Variants in CLIC4 observed in about 807,000 individuals in gnomAD.
The protein encoded by CLIC4 is chloride intracellular channel protein 4.
A neutral mutation model predicts 24.6 loss-of-function variants in CLIC4; 13 were observed. The observed-to-expected ratio is 0.53, with a 90% confidence interval of 0.34 to 0.84. The LOEUF is 0.84. CLIC4 is among the 40% of genes least tolerant of loss of function. The pLI, the probability that CLIC4 is intolerant of heterozygous loss-of-function variation, is 0.01. For missense variants in CLIC4, 227 were observed against 301.7 expected (o/e 0.75, Z 1.83); for synonymous variants, 104 against 111.3 (o/e 0.93, Z 0.41).
At position 24,814,137 on chromosome 1, in the gene CLIC4, C is replaced by G; in HGVS notation, c.226C>G (p.Pro76Ala). ...LQNLAPGTHPPFITFNSEVKT... is the reference protein window; with the variant it reads ...LQNLAPGTHPAFITFNSEVKT... ...GAACTTGGCTCCCGGGACCCACCCA[C>G]CATTTATAACTTTCAACAGTGAAGT... The change falls in exon 3 of 6, where the codon CCA (proline) becomes GCA (alanine). Residue 76 changes from proline (P) to alanine (A), a missense_variant. Pro to Ala is a conservative substitution (Grantham distance 27). Coordinates refer to ENST00000374379, the MANE Select transcript of CLIC4 (RefSeq NM_013943.3). 6.2e-7 allele frequency: 1 copy of G among 1,614,030 alleles called. No individual in the cohort carries two copies. Among genetic ancestry groups the G allele is most frequent in the Non-Finnish European group, 8.5e-7 (1 of 1,180,008 alleles).
intron 2 of CLIC4, 85 bp from the exon 3 acceptor site, chr1:24,814,009 G>C: frequency 6.5e-7 from 1 of 1,547,524 alleles, no homozygotes; most frequent in Non-Finnish European, 8.9e-7. Context: ...AAGCCACCGT[G>C]CCTGGCCAAC....
chr1:24,774,931 T>C (rs1639115343), intron 1 of CLIC4, among the ~76,000 whole-genome samples: 1 of 151,908 alleles, frequency 6.6e-6, no homozygotes, highest in South Asian at 2.1e-4. Flanking sequence ...ATTAGCTGGA[T>C]GTGGTGGCGC....
At chr1:24,770,945 C>T (rs1571235653) in intron 1 of CLIC4, among the ~76,000 whole-genome samples, 1 of 152,092 alleles carries the variant, frequency 6.6e-6, no homozygotes, top group Non-Finnish European at 1.5e-5. Context: ...TGTAATAGAA[C>T]GGAATGATGG....
intron 1 of CLIC4, among the ~76,000 whole-genome samples, chr1:24,772,947 G>T (rs6604979): frequency 0.66 from 101,056 of 151,974 alleles, 33,963 homozygotes; most frequent in Admixed American, 0.72. Context: ...CATTGTTTAT[G>T]GTCATCTTCA....
At chr1:24,818,297 T>G (rs989007255) in intron 3 of CLIC4, among the ~76,000 whole-genome samples, 5 of 151,420 alleles carry the variant, frequency 3.3e-5, no homozygotes, top group African/African-American at 1.2e-4. Context: ...GTTTGTTTTG[T>G]TTTTTTTGAG....
At chr1:24,752,035 G>A (rs1638783651) in intron 1 of CLIC4, among the ~76,000 whole-genome samples, 1 of 152,164 alleles carries the variant, frequency 6.6e-6, no homozygotes. Context: ...ATCTGGTGCA[G>A]GGTGGCATAA....
intron 1 of CLIC4, among the ~76,000 whole-genome samples, chr1:24,778,779 G>A (rs1279698190): frequency 6.6e-6 from 1 of 152,178 alleles, no homozygotes. Flanking sequence ...GGTCTATTGT[G>A]CCTAGATGGA....
chr1:24,762,162 A>C (rs1261207957), intron 1 of CLIC4, among the ~76,000 whole-genome samples: 1 of 152,216 alleles, frequency 6.6e-6, no homozygotes, highest in African/African-American at 2.4e-5. Context: ...TCACACCTAT[A>C]ATCCCAGCAC....
chr1:24,816,808 T>C (rs1639675992), intron 3 of CLIC4, among the ~76,000 whole-genome samples: 1 of 152,102 alleles, frequency 6.6e-6, no homozygotes, highest in East Asian at 1.9e-4. Context: ...GAAAGGAATC[T>C]TTTTTTCCTG....
chr1:24,798,119 A>G lies in CLIC4; in HGVS notation c.182+268A>G, dbSNP rs932862369. 5.3e-5 allele frequency among the ~76,000 whole-genome samples: 8 copies of G among 152,190 alleles called. No homozygotes were observed. The East Asian group carries it at 9.6e-4, about 18-fold the overall frequency. ...AGGAGCTAAGTGTTAGTGTGGATGC[A>G]GTGAAATCCTTGACTTCTTTTTTCC... On this transcript the variant is annotated intron_variant, in intron 2 of 5. Transcript: ENST00000374379.
chr1:24,835,637 G>A (rs1395214666), intron 4 of CLIC4, among the ~76,000 whole-genome samples: 1 of 152,148 alleles, frequency 6.6e-6, no homozygotes, highest in Admixed American at 6.5e-5. Context: ...AGGACAGAAA[G>A]GAGGTTAATG....
intron 1 of CLIC4, among the ~76,000 whole-genome samples, chr1:24,777,486 G>T (rs995698271): frequency 4.6e-5 from 7 of 152,170 alleles, no homozygotes; most frequent in African/African-American, 1.4e-4. Context: ...GGAGGTTGCA[G>T]TGAGCCGAGA....
rs1353623650 is a variant in CLIC4, at chr1:24,809,504, T to A, written c.183-4590T>A. On this transcript the variant is annotated intron_variant, in intron 2 of 5. Transcript: ENST00000374379. ...ACTATTTTTGGAGACAGAGTCTCAC[T>A]CTGTCGCCCAGGCTGAAGTGCAGTG... Among the ~76,000 whole-genome samples the A allele has an allele frequency of 6.6e-5, 10 of 152,342 alleles. No individual in the cohort carries two copies. The East Asian group carries it at 1.9e-3, about 29-fold the overall frequency.
At chr1:24,827,882 G>A (rs1038718900) in intron 4 of CLIC4, among the ~76,000 whole-genome samples, 4 of 151,976 alleles carry the variant, frequency 2.6e-5, no homozygotes, top group Admixed American at 2.0e-4. Context: ...TTTTCTCTTC[G>A]GGATGTTAAG....
intron 1 of CLIC4, among the ~76,000 whole-genome samples, chr1:24,756,419 T>C (rs1638850798): frequency 6.6e-6 from 1 of 152,226 alleles, no homozygotes; most frequent in Admixed American, 6.5e-5. Context: ...TTTCTTGAAG[T>C]TGAAATACAA....
rs773508748 is a variant in CLIC4 at position 24,840,973 on chromosome 1, C to G, written c.*36C>G. On this transcript the variant is annotated 3_prime_UTR_variant, in exon 6 of 6. Transcript: ENST00000374379. ...GTAAAAGAGATGTCTTCATGTCTTC[C>G]CCTAAGAATACGCTTTTCCTAACAG... 7 of 1,545,080 alleles carry G rather than the reference C, an allele frequency of 4.5e-6. No individual in the cohort carries two copies. The highest frequency in any genetic ancestry group is 6.1e-6 in the Non-Finnish European group (7 of 1,140,476).
chr1:24,762,281 G>A (rs1049290160), intron 1 of CLIC4, among the ~76,000 whole-genome samples: 1 of 152,080 alleles, frequency 6.6e-6, no homozygotes, highest in African/African-American at 2.4e-5. Flanking sequence ...AATCAGCTGG[G>A]CGTGATGTCA....
intron 4 of CLIC4, among the ~76,000 whole-genome samples, chr1:24,827,596 A>G (rs1038286139): frequency 9.5e-5 from 10 of 105,616 alleles, no homozygotes; most frequent in Non-Finnish European, 2.0e-4. Context: ...TGTTTTTGCT[A>G]ATTACCCTTG....
intron 1 of CLIC4, among the ~76,000 whole-genome samples, chr1:24,790,221 G>A (rs1387605411): frequency 5.3e-5 from 8 of 152,128 alleles, no homozygotes; most frequent in African/African-American, 1.2e-4. Flanking sequence ...ATAGGCGTGC[G>A]CCACCACACT....
Sources: gnomAD v4.1 joint callset for allele counts (sites outside exome capture counted in the v4.1 genomes callset) on GRCh38, gnomAD v4.1.1 for gene constraint, MANE v1.5 for transcripts, NCBI Gene and HGNC (gene_info 2026-07-23, HGNC 2026-07-21) for gene names.